Variants in KIF1A observed in about 807,000 individuals in gnomAD.
The protein encoded by KIF1A is kinesin family member 1A, also known as kinesin-like protein KIF1A.
In KIF1A, 46 loss-of-function variants were observed where a neutral mutation model predicts 227.3. That is an observed-to-expected ratio of 0.20 (90% confidence interval 0.16 to 0.26). The LOEUF (loss-of-function observed/expected upper bound fraction) is 0.26. KIF1A is among the 10% of genes least tolerant of loss of function. The pLI is 1.00. For synonymous variants in KIF1A, 1,022 were observed against 1,012.8 expected (o/e 1.01, Z -0.17); for missense variants, 1,683 against 2,485.9 (o/e 0.68, Z 6.87).
At chr2:240,817,496 C>T (rs906331648) in intron 1 of KIF1A, among the ~76,000 whole-genome samples, 1 of 152,232 alleles carries the variant, frequency 6.6e-6, no homozygotes, top group African/African-American at 2.4e-5. Flanking sequence ...CCACCACTCT[C>T]CACCCGTGGT....
At chr2:240,811,935 G>A (rs1449901042) in intron 1 of KIF1A, among the ~76,000 whole-genome samples, 7 of 152,146 alleles carry the variant, frequency 4.6e-5, no homozygotes, top group Admixed American at 4.6e-4. Context: ...GAGGGAAAGA[G>A]GGCTGGGGGA....
chr2:240,800,754 T>G (rs2056895690), intron 1 of KIF1A, among the ~76,000 whole-genome samples: 1 of 151,546 alleles, frequency 6.6e-6, no homozygotes, highest in East Asian at 1.9e-4. Flanking sequence ...CAAAGAGGAG[T>G]CTTGCACAGT....
intron 1 of KIF1A, among the ~76,000 whole-genome samples, chr2:240,807,318 T>A (rs1019205067): frequency 3.3e-5 from 5 of 152,042 alleles, no homozygotes; most frequent in Admixed American, 3.3e-4. Context: ...TAATTTTGTA[T>A]TTTTAGTAGA....
At position 240,739,944 on chromosome 2, in the gene KIF1A, T is replaced by C; in HGVS notation, c.3901+114A>G. The C allele has an allele frequency of 1.3e-6, 1 of 761,392 alleles. No individual in the cohort carries two copies. Among genetic ancestry groups the C allele is most frequent in the Non-Finnish European group, 2.2e-6 (1 of 445,678 alleles). The allele number at this position is 761,392 out of a possible 1,614,324, so 47.2% of individuals were successfully genotyped here. A position where few individuals can be genotyped will look rare whatever the true frequency, so the allele number is the denominator to read the frequency against. ...GAGAGATTATGTGACCCGGCCAGGG[T>C]CACGCAGCAACAGACGCAGAGGTGT... is the stretch of plus-strand genomic sequence containing the variant. On this transcript the variant is annotated intron_variant, in intron 37 of 48. Transcript: ENST00000498729. The surrounding 1 kb of genome is among the most constrained non-coding windows in gnomAD (Gnocchi z 5.6).
chr2:240,723,544 G>A lies in KIF1A; in HGVS notation c.4333C>T (p.Arg1445Cys), dbSNP rs573782102. 6 of 1,537,474 alleles carry A rather than the reference G, an allele frequency of 3.9e-6. No individual in the cohort carries two copies. The highest frequency in any genetic ancestry group is 1.2e-5 in the South Asian group (1 of 83,482). ...DAGSPGMQRR[R>C]RRVLDTSVAY... is the part of the protein sequence containing the mutation. The stretch of plus-strand genomic sequence containing the variant: ...ACAGATGTGTCCAGGACTCGTCGGC[G>A]CCGGCGCTGCATCCCTGCATGGGGC... The change falls in exon 42 of 49, where the codon CGC (arginine) becomes TGC (cysteine). Residue 1445 changes from arginine (R) to cysteine (C), a missense_variant. By Grantham distance (180) the Arg-to-Cys change is radical. Around this residue, in one of 12 missense-constraint regions of KIF1A, gnomAD observed 759 missense variants for 1,020.2 expected, o/e 0.74. Coordinates refer to ENST00000498729, the MANE Select transcript of KIF1A (RefSeq NM_001244008.2).
chr2:240,737,890 C>G (rs575379681), intron 37 of KIF1A, among the ~76,000 whole-genome samples: 218 of 152,346 alleles, frequency 1.4e-3, no homozygotes, highest in Non-Finnish European at 2.7e-3. Context: ...CTCCGCCATG[C>G]ATGGACAAGA....
Position 240,726,886 on chromosome 2 carries a change from C to T in KIF1A, c.4062G>A (p.Leu1354=). 1.2e-6 allele frequency: 2 copies of T among 1,612,670 alleles called. No individual in the cohort carries two copies. The highest frequency in any genetic ancestry group is 8.5e-7 in the Non-Finnish European group (1 of 1,179,492). ...CTCGATAAGGGGTGACCCGGTTCAG[C>T]AGGAGAGAGTTGTGCATGGAGCTGT... is the stretch of plus-strand genomic sequence containing the variant. ...AWDSSMHNSL[L]LNRVTPYREK... Residue 1354 remains leucine (L), a synonymous_variant, in exon 39 of 49, where the codon CTG becomes CTA. Transcript: ENST00000498729. This position sits in a 1 kb window ranked among gnomAD's most constrained non-coding sequence, Gnocchi z 5.2.
At chr2:240,734,914 G>T (rs557846541) in intron 38 of KIF1A, among the ~76,000 whole-genome samples, 3 of 152,146 alleles carry the variant, frequency 2.0e-5, no homozygotes, top group African/African-American at 4.8e-5. Context: ...ATGGAAAAGC[G>T]CATGGAAGGC....
At position 240,742,984 on chromosome 2, in the gene KIF1A, G is replaced by C; in HGVS notation, c.3585C>G (p.Ser1195Arg). 1 of 1,608,634 alleles carries C rather than the reference G, an allele frequency of 6.2e-7. No individual in the cohort carries two copies. The highest frequency in any genetic ancestry group is 8.5e-7 in the Non-Finnish European group (1 of 1,177,080). Residue 1195 changes from serine to arginine, a missense_variant and splice_region_variant, in exon 34 of 49, where the codon AGC (serine) becomes AGG (arginine). By Grantham distance (110) the Ser-to-Arg change is moderately radical. Transcript: ENST00000498729. ...PFPPLCKDVL[S>R]PLRPSRRHFP... ...AGTGGCGGCGCGAGGGCCTCAGGGG[G>C]CTGTGGAGAAAGGACCAGTGTGAGG...
chr2:240,737,207 G>A (rs529667775), intron 37 of KIF1A, 39 bp from the exon 38 acceptor site: 37 of 1,557,032 alleles, frequency 2.4e-5, no homozygotes, highest in South Asian at 1.2e-4. Flanking sequence ...ACTTCCCAGG[G>A]GGCAGGTGGG....
At chr2:240,721,460 G>C (rs1294749521) in intron 44 of KIF1A, among the ~76,000 whole-genome samples, 1 of 152,254 alleles carries the variant, frequency 6.6e-6, no homozygotes, top group African/African-American at 2.4e-5. Context: ...GGTCCCAGGA[G>C]GAGGAGGGAC....
At chr2:240,722,007 G>C in intron 43 of KIF1A, 123 bp from the exon 44 acceptor site, 1 of 730,950 alleles carries the variant, frequency 1.4e-6, no homozygotes, top group Non-Finnish European at 2.3e-6. Context: ...AGAGCACAGT[G>C]GGTCAAGGTG....
Position 240,721,904 on chromosome 2 carries a change from G to A in KIF1A, c.4666-20C>T, listed in dbSNP as rs370512368. On this transcript the variant is annotated intron_variant, in intron 43 of 48. Transcript: ENST00000498729. The stretch of plus-strand genomic sequence containing the variant: ...CAAGCACTGTGGACAGAGCACACGC[G>A]TGGTCAGGGGCCAGGCCTCCCGGGA... 4.1e-5 allele frequency: 65 copies of A among 1,589,018 alleles called. No homozygotes were observed. In the African/African-American group the frequency reaches 4.3e-4, roughly 10 times the overall value.
intron 1 of KIF1A, among the ~76,000 whole-genome samples, chr2:240,802,031 C>T (rs1479232919): frequency 2.0e-5 from 3 of 148,552 alleles, no homozygotes; most frequent in African/African-American, 5.0e-5. Flanking sequence ...AAGAAAGCCA[C>T]ACAAGGCACA....
At chr2:240,762,689 G>A (rs1226956770) in intron 23 of KIF1A, 30 bp downstream of exon 23, 9 of 1,546,874 alleles carry the variant, frequency 5.8e-6, no homozygotes, top group Middle Eastern at 1.7e-4. Context: ...CCCTCCTGAC[G>A]CAGCAGGTGC....
At position 240,757,161 on chromosome 2, in the gene KIF1A, G is replaced by A. The variant is rs1389372494; in HGVS notation, c.2858+158C>T. ...CACTGCAAGGATGCAGGGCCCGGGG[G>A]CCCTCGGGTGCTCTCCTCAGGAGGC... is the stretch of plus-strand genomic sequence containing the variant. On this transcript the variant is annotated intron_variant, in intron 27 of 48. Transcript: ENST00000498729. The surrounding 1 kb of genome is among the most constrained non-coding windows in gnomAD (Gnocchi z 6.2). 6.6e-6 allele frequency among the ~76,000 whole-genome samples: 1 copy of A among 152,180 alleles called. No homozygotes were observed. Among genetic ancestry groups the A allele is most frequent in the African/African-American group, 2.4e-5 (1 of 41,466 alleles).
In KIF1A at chr2:240,790,739, C is replaced by T. The variant is rs1008252836; in HGVS notation, c.107-1427G>A. Reference sequence around the variant, plus strand: ...GGAGACAGGGAGGGTGCCATGAGAACATGAGGGCAGAGATCAGGGTGATGA... The same window carrying T: ...GGAGACAGGGAGGGTGCCATGAGAATATGAGGGCAGAGATCAGGGTGATGA... On this transcript the variant is annotated intron_variant, in intron 2 of 48. Coordinates refer to ENST00000498729, the MANE Select transcript of KIF1A (RefSeq NM_001244008.2). The surrounding 1 kb of genome is among the most constrained non-coding windows in gnomAD (Gnocchi z 5.0). 6.6e-6 allele frequency among the ~76,000 whole-genome samples: 1 copy of T among 151,992 alleles called. No individual in the cohort carries two copies. Among genetic ancestry groups the T allele is most frequent in the Admixed American group, 6.6e-5 (1 of 15,258 alleles).
At chr2:240,786,536 C>T in intron 5 of KIF1A, 23 bp from the exon 6 acceptor site, 1 of 1,610,512 alleles carries the variant, frequency 6.2e-7, no homozygotes, top group Non-Finnish European at 8.5e-7. Flanking sequence ...GCCAGGCCAT[C>T]AGGGGCCCCT....
rs200258827 is a variant in KIF1A, at chr2:240,777,189, G to A, written c.883-1263C>T. Among the ~76,000 whole-genome samples the A allele has an allele frequency of 2.0e-4, 31 of 152,182 alleles. No homozygotes were observed. The East Asian group carries it at 5.4e-3, about 27-fold the overall frequency. On this transcript the variant is annotated intron_variant, in intron 10 of 48. Transcript: ENST00000498729. Reference sequence around the variant, plus strand: ...CTCCTGAGTAGCTAGGACTACAGGCGTGTGCCACCATGCCTGGCTAATTTT... The same window carrying A: ...CTCCTGAGTAGCTAGGACTACAGGCATGTGCCACCATGCCTGGCTAATTTT...
Sources: allele counts gnomAD v4.1 joint callset (sites outside exome capture counted in the v4.1 genomes callset), GRCh38; gene constraint gnomAD v4.1.1; regional missense constraint gnomAD v4.1.1; non-coding constraint Gnocchi (gnomAD v3.1); transcripts MANE v1.5; gene names NCBI Gene and HGNC (gene_info 2026-07-23, HGNC 2026-07-21).